Variants in ANKRD55 observed in about 807,000 individuals in gnomAD.
ANKRD55 encodes ankyrin repeat domain-containing protein 55.
ANKRD55 carries 41 observed loss-of-function variants against 60.6 expected under a neutral mutation model. The observed-to-expected ratio is 0.68, with a 90% CI of 0.53 to 0.88. The LOEUF is 0.88. Ranked by LOEUF, ANKRD55 falls within the 40% of genes least tolerant of loss-of-function variation. The pLI is 0.00. For synonymous variants in ANKRD55, 264 were observed against 290.3 expected (o/e 0.91, Z 0.92); for missense variants, 732 against 767.6 (o/e 0.95, Z 0.55).
intron 11 of ANKRD55, among the ~76,000 whole-genome samples, chr5:56,101,697 A>G (rs1016809717): frequency 6.6e-6 from 1 of 152,184 alleles, no homozygotes; most frequent in African/African-American, 2.4e-5. Context: ...CACTGGCCCA[A>G]TGGAGTATAT....
chr5:56,149,399 A>G (rs114721414), intron 6 of ANKRD55, among the ~76,000 whole-genome samples: 1,835 of 152,320 alleles, frequency 0.012, 51 homozygotes, highest in African/African-American at 0.041. Context: ...TTAGAATGGG[A>G]GTTTTCATAA....
In ANKRD55 at chr5:56,214,094, G is replaced by C. The variant is rs188624521; in HGVS notation, c.58+18762C>G. Among the ~76,000 whole-genome samples, 70 of 152,322 alleles carry C rather than the reference G, an allele frequency of 4.6e-4. No individual in the cohort carries two copies. The East Asian group carries it at 8.3e-3, about 18-fold the overall frequency. ...CATTTATAAGACCATCAGATCTTGT[G>C]AGTCTTATTCACTACCACAAGAACA... On this transcript the variant is annotated intron_variant, in intron 2 of 11. Coordinates refer to ENST00000341048, the MANE Select transcript of ANKRD55 (RefSeq NM_024669.3).
chr5:56,116,753 C>T lies in ANKRD55; in HGVS notation c.827G>A (p.Gly276Glu). ...RTPLHWAAAA[G>E]KAECVQSLLE... Reference sequence around the variant, plus strand: ...CAGTGACTGGACACATTCGGCCTTCCCTGCAGCTGCAGCCCAGTGCAGAGG... The same window carrying T: ...CAGTGACTGGACACATTCGGCCTTCTCTGCAGCTGCAGCCCAGTGCAGAGG... Residue 276 changes from glycine (G) to glutamate (E), a missense_variant, in exon 9 of 12, where the codon GGG becomes GAG. By Grantham distance (98) the Gly-to-Glu change is moderately conservative. Coordinates refer to ENST00000341048, the MANE Select transcript of ANKRD55 (RefSeq NM_024669.3). 1 of 1,613,002 alleles carries T rather than the reference C, an allele frequency of 6.2e-7. No individual in the cohort carries two copies. Among genetic ancestry groups the T allele is most frequent in the Non-Finnish European group, 8.5e-7 (1 of 1,179,532 alleles).
At chr5:56,166,158 T>TTTCTTTCTTTCTTCTTTCTTCTTTCC in intron 5 of ANKRD55, among the ~76,000 whole-genome samples, 1 of 72,436 alleles carries the variant, frequency 1.4e-5, no homozygotes, top group Non-Finnish European at 2.6e-5. Flanking sequence ...TTCTTTCTTC[T>TTTCTTTCTTTCTTCTTTCTTCTTTCC]TTCCTTCCTT....
At position 56,188,213 on chromosome 5, in the gene ANKRD55, G is replaced by A. The variant is rs58479868; in HGVS notation, c.59-4579C>T. Reference sequence around the variant, plus strand: ...TAGAGCCCACGAAAAGCAATGATACGTTTGATATGTTGACTGGGGTTGTCG... The same window carrying A: ...TAGAGCCCACGAAAAGCAATGATACATTTGATATGTTGACTGGGGTTGTCG... On this transcript the variant is annotated intron_variant, in intron 2 of 11. Transcript: ENST00000341048. 7.4e-4 allele frequency among the ~76,000 whole-genome samples: 112 copies of A among 152,134 alleles called. 1 individual carries two copies. In the East Asian group the frequency reaches 0.017, roughly 23 times the overall value.
At chr5:56,151,887 ACATACACACG>A (rs1758059698) in intron 6 of ANKRD55, among the ~76,000 whole-genome samples, 1 of 149,686 alleles carries the variant, frequency 6.7e-6, no homozygotes, top group African/African-American at 2.4e-5. Context: ...ATATACATAT[ACATACACACG>A]TATATGTGTG....
intron 2 of ANKRD55, among the ~76,000 whole-genome samples, chr5:56,215,661 C>T (rs897097121): frequency 3.9e-5 from 6 of 152,194 alleles, no homozygotes; most frequent in African/African-American, 9.7e-5. Flanking sequence ...GCTTGGGGGT[C>T]AGAAGCCTGA....
chr5:56,166,674 T>C (rs141852339), intron 5 of ANKRD55, among the ~76,000 whole-genome samples: 9 of 152,152 alleles, frequency 5.9e-5, no homozygotes, highest in Admixed American at 5.9e-4. Flanking sequence ...TGATCTATAG[T>C]CCTACATGTA....
chr5:56,177,035 T>C (rs1171824889), intron 3 of ANKRD55, among the ~76,000 whole-genome samples: 1 of 152,190 alleles, frequency 6.6e-6, no homozygotes. Flanking sequence ...GCTATGACCC[T>C]GAGAAATCCC....
At chr5:56,148,855 G>T (rs899980834) in intron 6 of ANKRD55, among the ~76,000 whole-genome samples, 1 of 151,968 alleles carries the variant, frequency 6.6e-6, no homozygotes, top group African/African-American at 2.4e-5. Context: ...TGGTGGAGGG[G>T]GAGGGTTAAG....
chr5:56,101,782 A>AT (rs1325271737), intron 11 of ANKRD55, among the ~76,000 whole-genome samples: 5 of 151,016 alleles, frequency 3.3e-5, no homozygotes, highest in South Asian at 2.1e-4. Flanking sequence ...GATGAACTGC[A>AT]TTTTTTTTTC....
At chr5:56,105,231 C>T (rs1332518703) in intron 10 of ANKRD55, among the ~76,000 whole-genome samples, 4 of 152,036 alleles carry the variant, frequency 2.6e-5, no homozygotes, top group African/African-American at 9.7e-5. Flanking sequence ...GAACTACAGG[C>T]GTGCGCCACC....
chr5:56,197,301 A>G (rs1300180089), intron 2 of ANKRD55, among the ~76,000 whole-genome samples: 2 of 152,228 alleles, frequency 1.3e-5, no homozygotes, highest in Non-Finnish European at 2.9e-5. Flanking sequence ...TAGTAATTTT[A>G]TATTGAGGCA....
chr5:56,188,569 G>A (rs1458148441), intron 2 of ANKRD55, among the ~76,000 whole-genome samples: 1 of 151,992 alleles, frequency 6.6e-6, no homozygotes, highest in African/African-American at 2.4e-5. Flanking sequence ...TTTTATTGAC[G>A]AGACTGTCCT....
Position 56,207,741 on chromosome 5 carries a change from A to C in ANKRD55, c.59-24107T>G, listed in dbSNP as rs540991257. 2.0e-5 allele frequency among the ~76,000 whole-genome samples: 3 copies of C among 152,304 alleles called. No homozygotes were observed. The South Asian group carries it at 6.2e-4, about 32-fold the overall frequency. ...GCATAAATAGAGCTTGCAGGACGGG[A>C]TGTTGCTCTGGGTGAGTCAATGAGT... On this transcript the variant is annotated intron_variant, in intron 2 of 11. Coordinates refer to ENST00000341048, the MANE Select transcript of ANKRD55 (RefSeq NM_024669.3).
At chr5:56,224,578 G>C (rs1417435883) in intron 2 of ANKRD55, among the ~76,000 whole-genome samples, 2 of 151,962 alleles carry the variant, frequency 1.3e-5, no homozygotes, top group Non-Finnish European at 2.9e-5. Flanking sequence ...CAACAAAATT[G>C]ATAGACCACT....
intron 7 of ANKRD55, among the ~76,000 whole-genome samples, chr5:56,131,818 A>AAG (rs1757425182): frequency 6.7e-6 from 1 of 150,124 alleles, no homozygotes; most frequent in African/African-American, 2.4e-5. Flanking sequence ...AAAAAAAAAA[A>AAG]AAAAAGTAGT....
chr5:56,110,529 AT>A (rs11348393), intron 10 of ANKRD55: 27,505 of 145,888 alleles, frequency 0.19, 5,618 homozygotes, highest in African/African-American at 0.52. Flanking sequence ...CAAAAAATGC[AT>A]TTTTTTTTTT....
intron 7 of ANKRD55, chr5:56,127,356 T>C: frequency 1.0e-6 from 1 of 985,230 alleles, no homozygotes; most frequent in African/African-American, 1.7e-5. Flanking sequence ...CTTCCATAAC[T>C]AGTGAACGAA....
Sources: allele counts gnomAD v4.1 joint callset (sites outside exome capture counted in the v4.1 genomes callset), GRCh38; gene constraint gnomAD v4.1.1; transcripts MANE v1.5; gene names NCBI Gene and HGNC (gene_info 2026-07-23, HGNC 2026-07-21).